IPCEF1: variants seen among roughly 807,000 people sequenced by gnomAD.
IPCEF1 encodes the protein interactor protein for cytohesin exchange factors 1.
A neutral mutation model predicts 50.9 loss-of-function variants in IPCEF1; 31 were observed. The ratio of observed to expected loss-of-function variants is 0.61; its 90% CI spans 0.46 to 0.82. The LOEUF is 0.82. Ranked by LOEUF, IPCEF1 falls within the 40% of genes least tolerant of loss-of-function variation. IPCEF1 has a pLI of 0.00. For synonymous variants in IPCEF1, 181 were observed against 192.0 expected (o/e 0.94, Z 0.47); for missense variants, 458 against 514.0 (o/e 0.89, Z 1.05).
chr6:154,313,038 A>G (rs983851642), intron 1 of IPCEF1, among the ~76,000 whole-genome samples: 2 of 126,370 alleles, frequency 1.6e-5, no homozygotes, highest in African/African-American at 6.3e-5. Flanking sequence ...AATCAACCCC[A>G]CTGCACTGCA....
At chr6:154,318,677 C>T (rs746026662) in intron 1 of IPCEF1, among the ~76,000 whole-genome samples, 14 of 144,978 alleles carry the variant, frequency 9.7e-5, no homozygotes, top group African/African-American at 2.3e-4. Flanking sequence ...CACACCACTG[C>T]GCTCCAGCCT....
At chr6:154,170,041 C>A (rs1350277565) in intron 10 of IPCEF1, among the ~76,000 whole-genome samples, 1 of 152,134 alleles carries the variant, frequency 6.6e-6, no homozygotes, top group Non-Finnish European at 1.5e-5. Flanking sequence ...AATATGTTAC[C>A]CATGTTAAGC....
At chr6:154,270,212 C>T (rs1014604178) in intron 2 of IPCEF1, among the ~76,000 whole-genome samples, 5 of 152,284 alleles carry the variant, frequency 3.3e-5, no homozygotes, top group Non-Finnish European at 7.4e-5. Flanking sequence ...GTTTCCAGTT[C>T]TTTGCTTTCA....
chr6:154,331,370 G>GAAAGAAA (rs149419612), intron 1 of IPCEF1, among the ~76,000 whole-genome samples: 97 of 111,994 alleles, frequency 8.7e-4, no homozygotes, highest in South Asian at 1.3e-3. Context: ...AAGAAAGAAA[G>GAAAGAAA]GAAAGAAAGA....
At chr6:154,303,374 G>GA (rs1782848317) in intron 1 of IPCEF1, among the ~76,000 whole-genome samples, 1 of 152,164 alleles carries the variant, frequency 6.6e-6, no homozygotes, top group African/African-American at 2.4e-5. Flanking sequence ...ACAGGCATGA[G>GA]CCACTGCACC....
chr6:154,288,449 G>A lies in IPCEF1; in HGVS notation c.-18+1264C>T, dbSNP rs149074792. 1.6e-3 allele frequency among the ~76,000 whole-genome samples: 241 copies of A among 151,098 alleles called. 1 individual carries two copies. The highest frequency in any genetic ancestry group is 2.7e-3 in the Non-Finnish European group (185 of 67,746). On this transcript the variant is annotated intron_variant, in intron 2 of 11. Coordinates refer to ENST00000367220, the MANE Select transcript of IPCEF1 (RefSeq NM_001130700.2). ...GAGGCCGAGGCGGGCAGATCACGAGGTCAGGAGATCGAGACCATCCTGGCC... is the reference window on the plus strand; with the variant it reads ...GAGGCCGAGGCGGGCAGATCACGAGATCAGGAGATCGAGACCATCCTGGCC...
chr6:154,318,038 G>A (rs1434547169), intron 1 of IPCEF1, among the ~76,000 whole-genome samples: 1 of 152,124 alleles, frequency 6.6e-6, no homozygotes, highest in Admixed American at 6.5e-5. Context: ...TTACCCAAGA[G>A]CATAGATTAA....
intron 1 of IPCEF1, among the ~76,000 whole-genome samples, chr6:154,307,705 G>A (rs567834956): frequency 7.9e-5 from 12 of 152,168 alleles, no homozygotes; most frequent in South Asian, 2.1e-4. Flanking sequence ...TTTAGATTTC[G>A]ACTTTTTCAC....
intron 1 of IPCEF1, among the ~76,000 whole-genome samples, chr6:154,316,998 G>T (rs1018246942): frequency 2.0e-5 from 3 of 152,214 alleles, no homozygotes; most frequent in African/African-American, 7.2e-5. Flanking sequence ...CTTGACAGCT[G>T]AAACTATAAA....
At chr6:154,268,229 G>A (rs573439212) in intron 2 of IPCEF1, among the ~76,000 whole-genome samples, 91 of 152,338 alleles carry the variant, frequency 6.0e-4, no homozygotes, top group Non-Finnish European at 1.0e-3. Context: ...GAGCCTGCAA[G>A]GACAGCAGGG....
chr6:154,333,535 T>G (rs1783718455), intron 1 of IPCEF1, among the ~76,000 whole-genome samples: 1 of 151,532 alleles, frequency 6.6e-6, no homozygotes, highest in South Asian at 2.1e-4. Flanking sequence ...GTTAATATAC[T>G]TAATAAATTC....
At chr6:154,305,898 T>C (rs750569615) in intron 1 of IPCEF1, among the ~76,000 whole-genome samples, 1 of 152,226 alleles carries the variant, frequency 6.6e-6, no homozygotes, top group Admixed American at 6.5e-5. Context: ...TACCAAGGGC[T>C]CTTGGGCCTT....
intron 1 of IPCEF1, among the ~76,000 whole-genome samples, chr6:154,309,620 T>C (rs1429758464): frequency 6.6e-6 from 1 of 152,186 alleles, no homozygotes; most frequent in Non-Finnish European, 1.5e-5. Flanking sequence ...GTCTCTTCTC[T>C]GTCCTGTATT....
intron 2 of IPCEF1, among the ~76,000 whole-genome samples, chr6:154,271,205 AT>A (rs1781894842): frequency 2.6e-5 from 4 of 151,588 alleles, no homozygotes; most frequent in African/African-American, 7.3e-5. Flanking sequence ...CAAAAAAAAA[AT>A]AAATAAATAA....
At chr6:154,253,871 T>C (rs952676763) in intron 3 of IPCEF1, among the ~76,000 whole-genome samples, 20 of 152,298 alleles carry the variant, frequency 1.3e-4, no homozygotes, top group African/African-American at 4.6e-4. Flanking sequence ...TCTTAACTTA[T>C]TACCCTTTCT....
At chr6:154,169,129 G>A (rs915431926) in intron 10 of IPCEF1, among the ~76,000 whole-genome samples, 1 of 152,154 alleles carries the variant, frequency 6.6e-6, no homozygotes, top group Non-Finnish European at 1.5e-5. Context: ...GGGAGGCCAA[G>A]GCAGGAGGAT....
chr6:154,326,221 C>CAAAA (rs75214985), intron 1 of IPCEF1, among the ~76,000 whole-genome samples: 31 of 99,160 alleles, frequency 3.1e-4, no homozygotes, highest in Middle Eastern at 5.0e-3. Flanking sequence ...GACCTTGTCT[C>CAAAA]AAAAAAAAAA....
At chr6:154,217,154 C>T (rs905283098) in intron 7 of IPCEF1, 2 of 166,908 alleles carry the variant, frequency 1.2e-5, no homozygotes, top group Non-Finnish European at 2.6e-5. Context: ...ACAGGCCAAA[C>T]AGTGGGGCTG....
intron 5 of IPCEF1, among the ~76,000 whole-genome samples, chr6:154,226,058 T>C (rs1779224919): frequency 6.6e-6 from 1 of 152,192 alleles, no homozygotes; most frequent in Non-Finnish European, 1.5e-5. Flanking sequence ...AACTATGCCT[T>C]CTTCTCTTTC....
Sources: gnomAD v4.1 joint callset for allele counts (sites outside exome capture counted in the v4.1 genomes callset) on GRCh38, gnomAD v4.1.1 for gene constraint, MANE v1.5 for transcripts, NCBI Gene and HGNC (gene_info 2026-07-23, HGNC 2026-07-21) for gene names.